Variants in PHACTR2 observed in about 807,000 individuals in gnomAD.
PHACTR2 encodes the protein chromosome 6 open reading frame 56.
PHACTR2 carries 30 observed loss-of-function variants against 76.0 expected under a neutral mutation model. That is an observed-to-expected ratio of 0.39 (90% CI 0.30 to 0.54). The LOEUF (loss-of-function observed/expected upper bound fraction) is 0.54. Ranked by LOEUF, PHACTR2 falls within the 20% of genes least tolerant of loss-of-function variation. The pLI, the probability that PHACTR2 is intolerant of heterozygous loss-of-function variation, is 0.61. For synonymous variants in PHACTR2, 292 were observed against 292.5 expected (o/e 1.00, Z 0.02); for missense variants, 696 against 781.1 (o/e 0.89, Z 1.30).
intron 1 of PHACTR2, among the ~76,000 whole-genome samples, chr6:143,584,526 A>T (rs1409041082): frequency 6.6e-6 from 1 of 152,228 alleles, no homozygotes; most frequent in Non-Finnish European, 1.5e-5. Flanking sequence ...TACTGATGGC[A>T]TTCCCTGGAG....
At chr6:143,568,584 A>G (rs985310806) in intron 1 of PHACTR2, among the ~76,000 whole-genome samples, 3 of 152,230 alleles carry the variant, frequency 2.0e-5, no homozygotes, top group Non-Finnish European at 2.9e-5. Flanking sequence ...GCAGAGTTCA[A>G]ATATTCAATC....
intron 1 of PHACTR2, among the ~76,000 whole-genome samples, chr6:143,540,933 G>GA: frequency 6.6e-6 from 1 of 151,714 alleles, no homozygotes. Context: ...TTCTTTTTTT[G>GA]AGATGGAGTC....
At chr6:143,748,063 A>AT (rs1172777241) in intron 2 of PHACTR2, among the ~76,000 whole-genome samples, 2 of 145,472 alleles carry the variant, frequency 1.4e-5, no homozygotes, top group African/African-American at 2.5e-5. Context: ...AAAACTGATT[A>AT]TTATTATTTT....
chr6:143,624,307 CT>C lies in PHACTR2; in HGVS notation c.13+15986del, dbSNP rs1379892931. On this transcript the variant is annotated intron_variant, in intron 1 of 11. Coordinates refer to the PHACTR2 transcript ENST00000305766. The surrounding 1 kb of genome is among the most constrained non-coding windows in gnomAD (Gnocchi z 4.6). Reference sequence around the variant, plus strand: ...TTTTTAGGCGAGACAGGGTTTCCCCCTGTTGGCCAGGCTGGTCTCGAACTCC... The same window carrying C: ...TTTTTAGGCGAGACAGGGTTTCCCCCGTTGGCCAGGCTGGTCTCGAACTCC... Among the ~76,000 whole-genome samples, 2 of 152,034 alleles carry C rather than the reference CT, an allele frequency of 1.3e-5. No homozygotes were observed. The highest frequency in any genetic ancestry group is 4.8e-5 in the African/African-American group (2 of 41,380).
chr6:143,720,053 T>C lies in PHACTR2; in HGVS notation c.214+7870T>C, dbSNP rs575378897. The stretch of plus-strand genomic sequence containing the variant: ...TCTCAAACTCCTGACCTCAGGTGAT[T>C]CACCCACCTAAGCCTCCCAAAGTCC... On this transcript the variant is annotated intron_variant, in intron 2 of 12. Coordinates refer to ENST00000440869, the MANE Select transcript of PHACTR2 (RefSeq NM_001100164.2). 2.1e-3 allele frequency among the ~76,000 whole-genome samples: 316 copies of C among 152,044 alleles called. 1 individual carries two copies. The highest frequency in any genetic ancestry group is 7.1e-3 in the African/African-American group (293 of 41,480).
At chr6:143,797,625 G>T (rs143897166) in intron 11 of PHACTR2, among the ~76,000 whole-genome samples, 1 of 152,276 alleles carries the variant, frequency 6.6e-6, no homozygotes, top group Non-Finnish European at 1.5e-5. Flanking sequence ...CCAGTTTTCT[G>T]CATATGGCCA....
At chr6:143,609,870 T>C (rs556412189) in intron 1 of PHACTR2, among the ~76,000 whole-genome samples, 9 of 152,242 alleles carry the variant, frequency 5.9e-5, no homozygotes, top group Non-Finnish European at 1.3e-4. Flanking sequence ...TTTTCTTTTT[T>C]GGGTAACTAG....
intron 1 of PHACTR2, among the ~76,000 whole-genome samples, chr6:143,632,401 A>G (rs779911177): frequency 3.3e-4 from 50 of 152,238 alleles, no homozygotes; most frequent in Non-Finnish European, 5.7e-4. Flanking sequence ...TTTGCAAATA[A>G]AGGCAAATAA....
rs1004585863 is a variant in PHACTR2 at position 143,709,254 on chromosome 6, A to T, written c.47-2762A>T. 1.3e-5 allele frequency among the ~76,000 whole-genome samples: 2 copies of T among 152,216 alleles called. No homozygotes were observed. Among genetic ancestry groups the T allele is most frequent in the Non-Finnish European group, 2.9e-5 (2 of 68,034 alleles). ...GTTAGGAACCACTTTCAGAAGAATC[A>T]GTTAGCGTAGGACTTGAATCTCCAA... On this transcript the variant is annotated intron_variant, in intron 1 of 12. Coordinates refer to ENST00000440869, the MANE Select transcript of PHACTR2 (RefSeq NM_001100164.2). This position sits in a 1 kb window ranked among gnomAD's most constrained non-coding sequence, Gnocchi z 4.4.
chr6:143,739,633 C>G lies in PHACTR2; in HGVS notation c.215-9352C>G, dbSNP rs1562288968. Among the ~76,000 whole-genome samples, 1 of 152,214 alleles carries G rather than the reference C, an allele frequency of 6.6e-6. No individual in the cohort carries two copies. Among genetic ancestry groups the G allele is most frequent in the Non-Finnish European group, 1.5e-5 (1 of 68,040 alleles). ...CGAGAGTCCGAGTGAAGGGGAAGGA[C>G]AGGCTGTGTTACACGTAGCACTCAA... On this transcript the variant is annotated intron_variant, in intron 2 of 12. Transcript: ENST00000440869. The surrounding 1 kb of genome is among the most constrained non-coding windows in gnomAD (Gnocchi z 4.3).
In PHACTR2 at chr6:143,581,948, T is replaced by C. The variant is rs996146657; in HGVS notation, c.217+44741T>C. Among the ~76,000 whole-genome samples, 2 of 152,200 alleles carry C rather than the reference T, an allele frequency of 1.3e-5. No individual in the cohort carries two copies. The highest frequency in any genetic ancestry group is 2.9e-5 in the Non-Finnish European group (2 of 68,030). On this transcript the variant is annotated intron_variant, in intron 1 of 11. Coordinates refer to the PHACTR2 transcript ENST00000367584. This position sits in a 1 kb window ranked among gnomAD's most constrained non-coding sequence, Gnocchi z 4.5. ...ATGGCAAAAGGCAGAATCCTGGGCA[T>C]TGGCATGAAGGCCTTGGGTCTTAAT... is the stretch of plus-strand genomic sequence containing the variant.
chr6:143,631,421 T>C (rs1468888670), intron 1 of PHACTR2, among the ~76,000 whole-genome samples: 4 of 152,236 alleles, frequency 2.6e-5, no homozygotes, highest in East Asian at 1.9e-4. Context: ...CTTAAACTCA[T>C]GGCCTCAGAC....
At chr6:143,604,500 A>T (rs1216039665), upstream of PHACTR2, among the ~76,000 whole-genome samples, 1 of 152,148 alleles carries the variant, frequency 6.6e-6, no homozygotes, top group Non-Finnish European at 1.5e-5. Context: ...CTCGAATTTC[A>T]GTTAGGAAAG....
In PHACTR2 at chr6:143,664,041, A is replaced by T. The variant is rs756157385; in HGVS notation, c.14-47975A>T. On this transcript the variant is annotated intron_variant, in intron 1 of 11. Transcript: ENST00000305766. The surrounding 1 kb of genome is among the most constrained non-coding windows in gnomAD (Gnocchi z 5.1). The stretch of plus-strand genomic sequence containing the variant: ...GTGGATCTGTCCGTTTATCATTGTA[A>T]TTCTGTTAGTTTTTGCTTTAGATAT... 1.9e-4 allele frequency among the ~76,000 whole-genome samples: 29 copies of T among 152,076 alleles called. No individual in the cohort carries two copies. Among genetic ancestry groups the T allele is most frequent in the Non-Finnish European group, 3.7e-4 (25 of 67,980 alleles).
intron 1 of PHACTR2, among the ~76,000 whole-genome samples, chr6:143,584,969 C>A (rs1166334550): frequency 1.2e-4 from 15 of 127,738 alleles, no homozygotes; most frequent in Admixed American, 4.0e-4. Flanking sequence ...CCTGGCTGGT[C>A]CTACCCAGAT....
At chr6:143,660,244 C>CAAA (rs11330374) in intron 1 of PHACTR2, among the ~76,000 whole-genome samples, 11 of 115,902 alleles carry the variant, frequency 9.5e-5, no homozygotes, top group African/African-American at 3.5e-4. Flanking sequence ...GAGCAATTTA[C>CAAA]AAAAAAAAAA....
In PHACTR2 at chr6:143,751,531, C is replaced by A. The variant is rs2128470209; in HGVS notation, c.296-2223C>A. ...GTCATACATGATTTTCTCTTTCTAT[C>A]TGTCCCTCCTTTAACTATGATATAT... On this transcript the variant is annotated intron_variant, in intron 3 of 12. Coordinates refer to ENST00000440869, the MANE Select transcript of PHACTR2 (RefSeq NM_001100164.2). This position sits in a 1 kb window ranked among gnomAD's most constrained non-coding sequence, Gnocchi z 5.7. Among the ~76,000 whole-genome samples, 1 of 152,220 alleles carries A rather than the reference C, an allele frequency of 6.6e-6. No individual in the cohort carries two copies. The highest frequency in any genetic ancestry group is 1.9e-4 in the East Asian group (1 of 5,174).
intron 2 of PHACTR2, among the ~76,000 whole-genome samples, chr6:143,714,089 G>C (rs180910026): frequency 6.6e-6 from 1 of 152,262 alleles, no homozygotes; most frequent in African/African-American, 2.4e-5. Flanking sequence ...CTAATATTTG[G>C]ATATAACCAA....
rs900378781 is a variant in PHACTR2, at chr6:143,789,735, A to G, written c.1845+825A>G. Among the ~76,000 whole-genome samples the G allele has an allele frequency of 1.3e-5, 2 of 152,186 alleles. No homozygotes were observed. Among genetic ancestry groups the G allele is most frequent in the African/African-American group, 4.8e-5 (2 of 41,430 alleles). ...TCTTAATGCTAAAACTAGGCATTTAATCATGCTCTGTGCTGACTCTTTTTA... is the reference window on the plus strand; with the variant it reads ...TCTTAATGCTAAAACTAGGCATTTAGTCATGCTCTGTGCTGACTCTTTTTA... On this transcript the variant is annotated intron_variant, in intron 11 of 12. Transcript: ENST00000440869. The surrounding 1 kb of genome is among the most constrained non-coding windows in gnomAD (Gnocchi z 5.1).
Sources: allele counts gnomAD v4.1 joint callset (sites outside exome capture counted in the v4.1 genomes callset), GRCh38; gene constraint gnomAD v4.1.1; non-coding constraint Gnocchi (gnomAD v3.1); transcripts MANE v1.5; gene names NCBI Gene and HGNC (gene_info 2026-07-23, HGNC 2026-07-21).